The following STK3 variants were observed in gnomAD, a reference collection of about 807,000 sequenced individuals.
STK3 encodes serine/threonine kinase 3.
A neutral mutation model predicts 58.0 loss-of-function variants in STK3; 41 were observed. The ratio of observed to expected loss-of-function variants is 0.71; its 90% CI spans 0.55 to 0.92. The LOEUF is 0.92. STK3 is among the 40% of genes least tolerant of loss of function. The pLI is 0.00. For missense variants in STK3, 479 were observed against 602.7 expected (o/e 0.79, Z 2.15); for synonymous variants, 170 against 191.0 (o/e 0.89, Z 0.91).
chr8:98,861,386 C>T (rs1193511348), intron 3 of STK3, among the ~76,000 whole-genome samples: 4 of 125,978 alleles, frequency 3.2e-5, no homozygotes, highest in Admixed American at 2.0e-4. Context: ...GAGTCTCTGT[C>T]GCCCAGGCTG....
chr8:98,801,948 G>A (rs1244356284), intron 1 of STK3, among the ~76,000 whole-genome samples: 1 of 152,156 alleles, frequency 6.6e-6, no homozygotes, highest in Non-Finnish European at 1.5e-5. Flanking sequence ...GAGGTGAAAT[G>A]ACTGCTTGAG....
At chr8:98,696,690 C>G (rs934446108) in intron 6 of STK3, among the ~76,000 whole-genome samples, 4 of 152,208 alleles carry the variant, frequency 2.6e-5, no homozygotes, top group Admixed American at 2.6e-4. Context: ...ACCAGTCTTG[C>G]ATCCCAGGGA....
At chr8:98,355,446 T>C in the STK3 span, among the ~76,000 whole-genome samples, 1 of 152,144 alleles carries the variant, frequency 6.6e-6, no homozygotes, top group Non-Finnish European at 1.5e-5. Flanking sequence ...ATACTGGCTC[T>C]GCTTTAGTTA....
At chr8:98,548,553 C>G (rs1031030117) in intron 8 of STK3, among the ~76,000 whole-genome samples, 4 of 152,042 alleles carry the variant, frequency 2.6e-5, no homozygotes, top group Non-Finnish European at 5.9e-5. Context: ...TGTCTATAAC[C>G]TTGTAAAACA....
chr8:98,639,000 T>C (rs1430980695), intron 6 of STK3, among the ~76,000 whole-genome samples: 1 of 152,044 alleles, frequency 6.6e-6, no homozygotes, highest in African/African-American at 2.4e-5. Context: ...GAAATAGACA[T>C]ATTATGGGAA....
chr8:98,653,502 T>C (rs556202446), intron 6 of STK3, among the ~76,000 whole-genome samples: 45 of 151,570 alleles, frequency 3.0e-4, no homozygotes, highest in African/African-American at 9.4e-4. Context: ...CTGAAGGAAA[T>C]AGAGACACAA....
intron 4 of STK3, among the ~76,000 whole-genome samples, chr8:98,739,302 C>A (rs919523546): frequency 2.6e-5 from 4 of 152,326 alleles, no homozygotes; most frequent in Middle Eastern, 6.8e-3. Context: ...CAAGTGGGTC[C>A]CTGACCCCTG....
chr8:98,462,001 G>A (rs1197758918), intron 10 of STK3, among the ~76,000 whole-genome samples: 1 of 151,552 alleles, frequency 6.6e-6, no homozygotes, highest in Non-Finnish European at 1.5e-5. Context: ...TACCTGAAAT[G>A]TTTTGATACT....
At chr8:98,774,404 T>C (rs1181935223) in intron 2 of STK3, among the ~76,000 whole-genome samples, 1 of 145,156 alleles carries the variant, frequency 6.9e-6, no homozygotes, top group African/African-American at 2.9e-5. Context: ...TCTAAAAGGA[T>C]GGCCTTATGG....
intron 9 of STK3, among the ~76,000 whole-genome samples, chr8:98,544,108 C>T (rs1194764233): frequency 2.6e-5 from 4 of 151,156 alleles, no homozygotes; most frequent in Admixed American, 6.6e-5. Context: ...GCAGAAGCAA[C>T]GAAATAATGA....
chr8:98,799,627 C>A (rs1833388805), intron 1 of STK3, among the ~76,000 whole-genome samples: 1 of 152,112 alleles, frequency 6.6e-6, no homozygotes, highest in African/African-American at 2.4e-5. Context: ...TTTCCAAGTT[C>A]CAACATTAAC....
At chr8:98,673,029 A>G (rs535736415) in intron 6 of STK3, among the ~76,000 whole-genome samples, 1 of 152,326 alleles carries the variant, frequency 6.6e-6, no homozygotes, top group South Asian at 2.1e-4. Flanking sequence ...AGTTCCAAAA[A>G]TATCAAAAAT....
chr8:98,847,726 TG>T (rs1836265685), intron 3 of STK3, among the ~76,000 whole-genome samples: 1 of 152,136 alleles, frequency 6.6e-6, no homozygotes, highest in Non-Finnish European at 1.5e-5. Flanking sequence ...GGTTTTTTTT[TG>T]TTTGTTTGTT....
At chr8:98,852,291 G>A (rs954423325) in intron 3 of STK3, among the ~76,000 whole-genome samples, 4 of 152,018 alleles carry the variant, frequency 2.6e-5, no homozygotes, top group African/African-American at 9.7e-5. Flanking sequence ...CCCACACCAT[G>A]CCTGGCTAAT....
chr8:98,730,808 C>G (rs1009361109), intron 4 of STK3, among the ~76,000 whole-genome samples: 2 of 149,928 alleles, frequency 1.3e-5, no homozygotes, highest in African/African-American at 4.9e-5. Flanking sequence ...AATCAGAATA[C>G]TACTCCCAGA....
chr8:98,430,732 G>C (rs958319667), intron 3 of STK3: 1 of 167,084 alleles, frequency 6.0e-6, no homozygotes, highest in Non-Finnish European at 1.5e-5. Context: ...CTTTCATGGG[G>C]GGTGACTGGG....
intron 10 of STK3, among the ~76,000 whole-genome samples, chr8:98,498,772 C>G (rs540733434): frequency 6.6e-6 from 1 of 152,136 alleles, no homozygotes; most frequent in Non-Finnish European, 1.5e-5. Flanking sequence ...TTTCCTACTT[C>G]GCTGATTTGT....
chr8:98,398,758 C>G (rs1215308031), downstream of STK3, among the ~76,000 whole-genome samples: 1 of 152,216 alleles, frequency 6.6e-6, no homozygotes, highest in Non-Finnish European at 1.5e-5. Context: ...ATTTTCCAGG[C>G]TTTTACATCT....
In STK3 at chr8:98,738,663, G is replaced by A. The variant is rs543541612; in HGVS notation, c.351+10613C>T. Among the ~76,000 whole-genome samples, 50 of 152,288 alleles carry A rather than the reference G, an allele frequency of 3.3e-4. No homozygotes were observed. The South Asian group carries it at 7.9e-3, about 24-fold the overall frequency. Reference sequence around the variant, plus strand: ...GTCTACAGCTCCCAGCGTGAGCGACGCAGAAGACGGGTGATTTCTGCATTT... The same window carrying A: ...GTCTACAGCTCCCAGCGTGAGCGACACAGAAGACGGGTGATTTCTGCATTT... On this transcript the variant is annotated intron_variant, in intron 4 of 10. Transcript: ENST00000419617.
Sources: gnomAD v4.1 joint callset for allele counts (sites outside exome capture counted in the v4.1 genomes callset) on GRCh38, gnomAD v4.1.1 for gene constraint, MANE v1.5 for transcripts, NCBI Gene and HGNC (gene_info 2026-07-23, HGNC 2026-07-21) for gene names.